The following ROBO1 variants were observed in gnomAD, a reference collection of about 807,000 sequenced individuals.
ROBO1 encodes roundabout homolog 1.
In ROBO1, 149 loss-of-function variants were observed where a neutral mutation model predicts 195.9. The observed-to-expected ratio is 0.76, with a 90% CI of 0.67 to 0.87. ROBO1 has a LOEUF of 0.87. Ranked by LOEUF, ROBO1 falls within the 40% of genes least tolerant of loss-of-function variation. ROBO1 has a pLI of 0.00. For synonymous variants in ROBO1, 816 were observed against 733.2 expected (o/e 1.11, Z -1.82); for missense variants, 1,933 against 2,068.3 (o/e 0.93, Z 1.27).
At chr3:78,693,282 G>A (rs2081215895) in intron 8 of ROBO1, 4 of 1,545,202 alleles carry the variant, frequency 2.6e-6, no homozygotes, top group African/African-American at 2.8e-5. Context: ...TGGATGGAAA[G>A]GGGAAGAGAA....
At chr3:78,963,619 C>T (rs890950621) in intron 3 of ROBO1, among the ~76,000 whole-genome samples, 31 of 147,128 alleles carry the variant, frequency 2.1e-4, no homozygotes, top group Admixed American at 1.9e-3. Flanking sequence ...CCCGGGTTCA[C>T]GCCATTCTCC....
At chr3:79,378,083 C>T (rs1357342926) in intron 2 of ROBO1, among the ~76,000 whole-genome samples, 1 of 151,890 alleles carries the variant, frequency 6.6e-6, no homozygotes, top group Non-Finnish European at 1.5e-5. Context: ...ATTTTTATTA[C>T]AGAGAAAGCA....
intron 2 of ROBO1, among the ~76,000 whole-genome samples, chr3:79,580,798 G>T (rs1943636053): frequency 6.6e-6 from 1 of 152,122 alleles, no homozygotes; most frequent in African/African-American, 2.4e-5. Context: ...CTCTTGGGAA[G>T]AAGGCCAGTT....
At chr3:79,713,319 A>G (rs1702347568) in intron 1 of ROBO1, among the ~76,000 whole-genome samples, 1 of 152,102 alleles carries the variant, frequency 6.6e-6, no homozygotes, top group East Asian at 1.9e-4. Flanking sequence ...TATGGTAGTC[A>G]TAGATAGTGG....
At position 78,670,202 on chromosome 3, in the gene ROBO1, C is replaced by T; in HGVS notation, c.1442G>A (p.Ser481Asn). The T allele has an allele frequency of 1.2e-6, 2 of 1,611,020 alleles. No homozygotes were observed. Among genetic ancestry groups the T allele is most frequent in the South Asian group, 1.1e-5 (1 of 90,534 alleles). Residue 481 changes from serine to asparagine, a missense_variant, in exon 11 of 31, where the codon AGT becomes AAT. Physicochemically the swap from Ser to Asn is conservative, Grantham distance 46. Transcript: ENST00000464233. Reference sequence around the variant, plus strand: ...TCTCCACAGAATGGTGGGCACTGGACTGCCTGTGGCCACACAGCTGAGGAC... The same window carrying T: ...TCTCCACAGAATGGTGGGCACTGGATTGCCTGTGGCCACACAGCTGAGGAC... ...TFVLSCVATG[S>N]PVPTILWRKD...
intron 1 of ROBO1, among the ~76,000 whole-genome samples, chr3:79,605,990 G>GTA (rs1381748157): frequency 3.8e-5 from 5 of 131,382 alleles, no homozygotes; most frequent in African/African-American, 1.9e-4. Context: ...ATATGTGTGT[G>GTA]TGTATATATA....
chr3:78,849,416 T>C (rs930527023), intron 4 of ROBO1, among the ~76,000 whole-genome samples: 1 of 152,074 alleles, frequency 6.6e-6, no homozygotes, highest in African/African-American at 2.4e-5. Context: ...AATGGTCAAA[T>C]TTTTATAGGA....
chr3:79,369,528 C>T (rs1018274512), intron 2 of ROBO1, among the ~76,000 whole-genome samples: 30 of 152,142 alleles, frequency 2.0e-4, no homozygotes, highest in African/African-American at 6.8e-4. Context: ...TGAGAAAACA[C>T]CCATTTTCTA....
intron 8 of ROBO1, among the ~76,000 whole-genome samples, chr3:78,705,023 A>G (rs2081516720): frequency 6.6e-6 from 1 of 152,306 alleles, no homozygotes. Flanking sequence ...TGAGTACAGT[A>G]TATCTAAATT....
chr3:79,739,980 A>C (rs2107413078), intron 1 of ROBO1, among the ~76,000 whole-genome samples: 1 of 152,190 alleles, frequency 6.6e-6, no homozygotes, highest in South Asian at 2.1e-4. Context: ...AACAACTCTA[A>C]GACATGTGTC....
chr3:78,819,698 A>G (rs1462763936), intron 4 of ROBO1, among the ~76,000 whole-genome samples: 3 of 152,152 alleles, frequency 2.0e-5, no homozygotes, highest in Admixed American at 6.5e-5. Flanking sequence ...CTACAGCCTT[A>G]TAGTGATAAG....
chr3:79,360,817 C>A, intron 2 of ROBO1, among the ~76,000 whole-genome samples: 1 of 152,030 alleles, frequency 6.6e-6, no homozygotes, highest in East Asian at 1.9e-4. Context: ...GTGCGGAACA[C>A]TTAGATAATA....
chr3:78,799,986 C>A (rs2084314875), intron 4 of ROBO1, among the ~76,000 whole-genome samples: 1 of 152,158 alleles, frequency 6.6e-6, no homozygotes, highest in South Asian at 2.1e-4. Flanking sequence ...GGCAACAATT[C>A]AGTCCAGTAC....
intron 2 of ROBO1, among the ~76,000 whole-genome samples, chr3:79,159,438 C>T (rs1023746668): frequency 3.9e-5 from 6 of 151,908 alleles, no homozygotes; most frequent in Admixed American, 3.9e-4. Context: ...TTTGATTGTG[C>T]TCCTGAGGAA....
intron 2 of ROBO1, among the ~76,000 whole-genome samples, chr3:79,237,299 G>C (rs1241749999): frequency 2.0e-5 from 3 of 151,966 alleles, no homozygotes; most frequent in Non-Finnish European, 4.4e-5. Flanking sequence ...CTGCTAACAC[G>C]TTGAAACTCC....
chr3:78,784,706 A>T (rs1436156311), intron 4 of ROBO1, among the ~76,000 whole-genome samples: 1 of 152,186 alleles, frequency 6.6e-6, no homozygotes, highest in Non-Finnish European at 1.5e-5. Context: ...CAAAAATCTT[A>T]AAAAAACTTA....
intron 4 of ROBO1, among the ~76,000 whole-genome samples, chr3:78,933,124 G>T (rs765161249): frequency 3.3e-5 from 5 of 151,988 alleles, no homozygotes; most frequent in Non-Finnish European, 7.4e-5. Context: ...ATAACCTGAG[G>T]TTATTTATTG....
intron 14 of ROBO1, 86 bp downstream of exon 14, chr3:78,667,797 T>G (rs764924940): frequency 7.4e-7 from 1 of 1,349,606 alleles, no homozygotes; most frequent in Non-Finnish European, 1.0e-6. Flanking sequence ...TGTACAATTC[T>G]AGCATGTAGC....
At chr3:79,210,139 A>G (rs1374479840) in intron 2 of ROBO1, among the ~76,000 whole-genome samples, 2 of 152,166 alleles carry the variant, frequency 1.3e-5, no homozygotes, top group Non-Finnish European at 2.9e-5. Flanking sequence ...TCAAAATACC[A>G]TCATCGTTCT....
Sources: allele counts gnomAD v4.1 joint callset (sites outside exome capture counted in the v4.1 genomes callset), GRCh38; gene constraint gnomAD v4.1.1; transcripts MANE v1.5; gene names NCBI Gene and HGNC (gene_info 2026-07-23, HGNC 2026-07-21).